ZNF853: variants seen among roughly 807,000 people sequenced by gnomAD.
ZNF853 encodes the protein zinc finger protein 853.
ZNF853 carries 57 observed loss-of-function variants against 94.7 expected under a neutral mutation model. That is an observed-to-expected ratio of 0.60 (90% CI 0.49 to 0.75). The LOEUF (loss-of-function observed/expected upper bound fraction) is 0.75. Ranked by LOEUF, ZNF853 falls within the 30% of genes least tolerant of loss-of-function variation. The pLI is 0.00. For synonymous variants in ZNF853, 448 were observed against 406.3 expected (o/e 1.10, Z -1.23); for missense variants, 785 against 868.9 (o/e 0.90, Z 1.21).
chr7:6,621,217 A>G lies in ZNF853; in HGVS notation c.226A>G (p.Ser76Gly), dbSNP rs1345675284. The G allele has an allele frequency of 1.9e-6, 3 of 1,540,060 alleles. No homozygotes were observed. Among genetic ancestry groups the G allele is most frequent in the Non-Finnish European group, 2.6e-6 (3 of 1,140,874 alleles). ...AGCAGTCTCGGCCCCAGTGGGGGCC[A>G]GTGAAATCGCTGAGGAAACCCGGCC... ...RPAVSAPVGA[S>G]EIAEETRPGQ... Residue 76 changes from serine to glycine, a missense_variant, in exon 3 of 3, where the codon AGT becomes GGT. Transcript: ENST00000457543.
Position 6,621,772 on chromosome 7 carries a change from C to G in ZNF853, c.781C>G (p.Gln261Glu), listed in dbSNP as rs1226716502. 1.9e-6 allele frequency: 3 copies of G among 1,550,562 alleles called. No homozygotes were observed. Among genetic ancestry groups the G allele is most frequent in the African/African-American group, 2.7e-5 (2 of 73,128 alleles). Residue 261 changes from glutamine to glutamate, a missense_variant, in exon 3 of 3, where the codon CAG (glutamine) becomes GAG (glutamate). Gln to Glu is a conservative substitution (Grantham distance 29). Transcript: ENST00000457543. Reference sequence around the variant, plus strand: ...GCAACTGTTGCAGCAGCAGCAGGCACAGTTACAACAGCAGCTGCTGGAACA... The same window carrying G: ...GCAACTGTTGCAGCAGCAGCAGGCAGAGTTACAACAGCAGCTGCTGGAACA... ...QQQLLQQQQA[Q>E]LQQQLLEQQQ...
chr7:6,621,318 G>C lies in ZNF853; in HGVS notation c.327G>C (p.Leu109=). The change falls in exon 3 of 3, where the codon CTG becomes CTC. Residue 109 remains leucine, a synonymous_variant. Transcript: ENST00000457543. ...AGCAACAGCCGCAACACGAGCAGCTGCAACAGCCGCAGCCACACCTAGAAC... is the reference window on the plus strand; with the variant it reads ...AGCAACAGCCGCAACACGAGCAGCTCCAACAGCCGCAGCCACACCTAGAAC... The part of the protein sequence containing the change: ...EPQQQPQHEQ[L]QQPQPHLELQ... 6.4e-7 allele frequency: 1 copy of C among 1,551,486 alleles called. No homozygotes were observed. The highest frequency in any genetic ancestry group is 1.2e-5 in the South Asian group (1 of 84,062).
Position 6,621,879 on chromosome 7 carries a change from A to G in ZNF853, c.888A>G (p.Gln296=), listed in dbSNP as rs527452501. The change falls in exon 3 of 3, where the codon CAA becomes CAG. Residue 296 remains glutamine (Q), a synonymous_variant. Coordinates refer to ENST00000457543, the MANE Select transcript of ZNF853 (RefSeq NM_017560.3). ...LQQQQQQQLL[Q]QQQEQLQQQQ... ...AGCAGCAGCAACAGCAGCTGTTGCA[A>G]CAGCAGCAGGAACAATTGCAGCAGC... 83 of 1,550,656 alleles carry G rather than the reference A, an allele frequency of 5.4e-5. No homozygotes were observed. The African/African-American group carries it at 1.0e-3, about 19-fold the overall frequency.
At position 6,621,215 on chromosome 7, in the gene ZNF853, C is replaced by T. The variant is rs1279476069; in HGVS notation, c.224C>T (p.Ala75Val). ...QRPAVSAPVG[A>V]SEIAEETRPG... ...CCAGCAGTCTCGGCCCCAGTGGGGGCCAGTGAAATCGCTGAGGAAACCCGG... is the reference window on the plus strand; with the variant it reads ...CCAGCAGTCTCGGCCCCAGTGGGGGTCAGTGAAATCGCTGAGGAAACCCGG... The change falls in exon 3 of 3, where the codon GCC (alanine) becomes GTC (valine). Residue 75 changes from alanine to valine, a missense_variant. Ala to Val is a moderately conservative substitution (Grantham distance 64). Transcript: ENST00000457543. 1.9e-6 allele frequency: 3 copies of T among 1,538,640 alleles called. No individual in the cohort carries two copies. The highest frequency in any genetic ancestry group is 8.8e-7 in the Non-Finnish European group (1 of 1,140,166).
At chr7:6,619,814 G>A in intron 2 of ZNF853, among the ~76,000 whole-genome samples, 28 of 152,168 alleles carry the variant, frequency 1.8e-4, no homozygotes, top group African/African-American at 5.8e-4. Flanking sequence ...TACACGGTGC[G>A]GAAAGAGAAG....
At chr7:6,617,147 AG>A in intron 1 of ZNF853, 42 bp from the exon 2 acceptor site, 1 of 1,487,258 alleles carries the variant, frequency 6.7e-7, no homozygotes. Context: ...CGGGGGTCAA[AG>A]CACTCCAGCC....
In ZNF853 at chr7:6,623,239, G is replaced by C; in HGVS notation, c.*268G>C. 2.5e-6 allele frequency: 1 copy of C among 402,062 alleles called. No individual in the cohort carries two copies. The highest frequency in any genetic ancestry group is 4.4e-6 in the Non-Finnish European group (1 of 229,342). The allele number at this position is 402,062 out of a possible 1,614,324, so 24.9% of individuals were successfully genotyped here. A position where few individuals can be genotyped will look rare whatever the true frequency, so the allele number is the denominator to read the frequency against. On this transcript the variant is annotated 3_prime_UTR_variant, in exon 3 of 3. Transcript: ENST00000457543. ...GGACACGTTTGTCTGCCCTTTGAGG[G>C]GTCTGCCAAAGGTTTTCCCTCCGGG...
intron 2 of ZNF853, 118 bp downstream of exon 2, chr7:6,617,425 A>G: frequency 1.1e-6 from 1 of 940,088 alleles, no homozygotes; most frequent in Non-Finnish European, 1.5e-6. Context: ...AGCTGCATTG[A>G]GTAACACCAG....
At position 6,616,025 on chromosome 7, in the gene ZNF853, T is replaced by A; in HGVS notation, c.-150T>A. The A allele has an allele frequency of 6.2e-6, 4 of 646,978 alleles. No homozygotes were observed. Among genetic ancestry groups the A allele is most frequent in the Non-Finnish European group, 7.9e-6 (3 of 380,822 alleles). The allele number at this position is 646,978 out of a possible 1,614,324, so 40.1% of individuals were successfully genotyped here. A position where few individuals can be genotyped will look rare whatever the true frequency, so the allele number is the denominator to read the frequency against. ...CCCAGAGGGCGTGGACCCTCCGGAG[T>A]GCCCAGAAAGCCCCCGGGGTGGCCC... is the stretch of plus-strand genomic sequence containing the variant. On this transcript the variant is annotated 5_prime_UTR_variant, in exon 1 of 3. Transcript: ENST00000457543.
chr7:6,621,721 C>T lies in ZNF853; in HGVS notation c.730C>T (p.Leu244=). The T allele has an allele frequency of 6.4e-7, 1 of 1,551,010 alleles. No individual in the cohort carries two copies. The highest frequency in any genetic ancestry group is 8.7e-7 in the Non-Finnish European group (1 of 1,146,918). The change falls in exon 3 of 3, where the codon CTG becomes TTG. Residue 244 remains leucine (L), a synonymous_variant. Transcript: ENST00000457543. ...ACAGCAGCAGCAGCAGCTACTATTGCTGCAGCAGCAGGGACAGTTACAGCA... is the reference window on the plus strand; with the variant it reads ...ACAGCAGCAGCAGCAGCTACTATTGTTGCAGCAGCAGGGACAGTTACAGCA... ...QLQQQQQLLL[L]QQQGQLQQQL... is the part of the protein sequence containing the mutation.
chr7:6,620,150 C>T, intron 2 of ZNF853, among the ~76,000 whole-genome samples: 1 of 152,166 alleles, frequency 6.6e-6, no homozygotes, highest in East Asian at 1.9e-4. Context: ...GGTTGTATAC[C>T]TGCCGACTGG....
Position 6,621,493 on chromosome 7 carries a change from C to A in ZNF853, c.502C>A (p.Gln168Lys). ...QLQPQQVQEQ[Q>K]RLQQQQEQLQ... ...ACAGCCACAGCAAGTGCAAGAGCAA[C>A]AGCGGTTGCAGCAGCAGCAGGAGCA... The change falls in exon 3 of 3, where the codon CAG becomes AAG. Residue 168 changes from glutamine to lysine, a missense_variant. Coordinates refer to ENST00000457543, the MANE Select transcript of ZNF853 (RefSeq NM_017560.3). 2 of 1,551,806 alleles carry A rather than the reference C, an allele frequency of 1.3e-6. No homozygotes were observed. Among genetic ancestry groups the A allele is most frequent in the Non-Finnish European group, 1.7e-6 (2 of 1,147,014 alleles).
Position 6,622,415 on chromosome 7 carries a change from G to A in ZNF853, c.1424G>A (p.Arg475Gln), listed in dbSNP as rs1276495213. ...GSAALTPARQ[R>Q]RRRRARDRPT... ...GCGGCGTTGACCCCTGCACGGCAGC[G>A]GCGGCGGCGGCGCGCTCGGGACCGG... Residue 475 changes from arginine to glutamine, a missense_variant, in exon 3 of 3, where the codon CGG becomes CAG. Coordinates refer to ENST00000457543, the MANE Select transcript of ZNF853 (RefSeq NM_017560.3). 1.4e-6 allele frequency: 2 copies of A among 1,394,918 alleles called. No homozygotes were observed. The highest frequency in any genetic ancestry group is 1.8e-6 in the Non-Finnish European group (2 of 1,081,152). The allele number at this position is 1,394,918 out of a possible 1,614,324, so 86.4% of individuals were successfully genotyped here.
chr7:6,617,700 A>G lies in ZNF853; in HGVS notation c.130+393A>G. On this transcript the variant is annotated intron_variant, in intron 2 of 2. Transcript: ENST00000457543. ...TCTCTTCCTCTGCCCCTCCTGCCCCAGATGTTGGCTCCCTGGCTTCTTCTC... is the reference window on the plus strand; with the variant it reads ...TCTCTTCCTCTGCCCCTCCTGCCCCGGATGTTGGCTCCCTGGCTTCTTCTC... 6.3e-6 allele frequency: 6 copies of G among 959,496 alleles called. No individual in the cohort carries two copies. In the African/African-American group the frequency reaches 1.1e-4, roughly 17 times the overall value. The allele number at this position is 959,496 out of a possible 1,614,324, so 59.4% of individuals were successfully genotyped here.
rs1213900849 is a variant in ZNF853, at chr7:6,621,907, C to T, written c.916C>T (p.Gln306Ter). ...QQQQEQLQQQ[Q>*]LQPPPLEPEE... The stretch of plus-strand genomic sequence containing the variant: ...GCAGCAGGAACAATTGCAGCAGCAA[C>T]AACTGCAGCCTCCTCCCCTGGAGCC... The change falls in exon 3 of 3, where the codon CAA (glutamine) becomes TAA (stop). Residue 306 changes from glutamine to a stop codon, truncating the protein, a stop_gained. Coordinates refer to ENST00000457543, the MANE Select transcript of ZNF853 (RefSeq NM_017560.3). LOFTEE classifies it high-confidence loss of function. 8 of 1,550,980 alleles carry T rather than the reference C, an allele frequency of 5.2e-6. No homozygotes were observed. The highest frequency in any genetic ancestry group is 7.0e-6 in the Non-Finnish European group (8 of 1,146,854).
Position 6,622,827 on chromosome 7 carries a change from C to A in ZNF853, c.1836C>A (p.Ile612=). ...CGERFRHKVQ[I]RRHERQLHGA... ...AGCGCTTCCGACACAAGGTGCAGAT[C>A]CGCCGCCACGAGCGCCAGCTGCACG... The change falls in exon 3 of 3, where the codon ATC becomes ATA. Residue 612 remains isoleucine (I), a synonymous_variant. Coordinates refer to ENST00000457543, the MANE Select transcript of ZNF853 (RefSeq NM_017560.3). 2.0e-6 allele frequency: 3 copies of A among 1,522,692 alleles called. No homozygotes were observed. The highest frequency in any genetic ancestry group is 2.5e-5 in the East Asian group (1 of 40,246). The allele number at this position is 1,522,692 out of a possible 1,614,324, so 94.3% of individuals were successfully genotyped here.
At chr7:6,619,513 A>G in intron 2 of ZNF853, among the ~76,000 whole-genome samples, 1 of 152,092 alleles carries the variant, frequency 6.6e-6, no homozygotes, top group African/African-American at 2.4e-5. Context: ...CTCGTGATCC[A>G]TCTGCCTCGG....
chr7:6,616,909 C>G, intron 1 of ZNF853, among the ~76,000 whole-genome samples: 2 of 152,078 alleles, frequency 1.3e-5, no homozygotes, highest in Admixed American at 1.3e-4. Flanking sequence ...GTGGGGCTAC[C>G]CCACTCTCCA....
At chr7:6,621,087 C>G in intron 2 of ZNF853, 35 bp from the exon 3 acceptor site, 1 of 1,461,100 alleles carries the variant, frequency 6.8e-7, no homozygotes, top group Non-Finnish European at 9.0e-7. Flanking sequence ...TCCTGTAGAT[C>G]TTTCTCTCTT....
Sources: gnomAD v4.1 joint callset for allele counts (sites outside exome capture counted in the v4.1 genomes callset) on GRCh38, gnomAD v4.1.1 for gene constraint, MANE v1.5 for transcripts, NCBI Gene and HGNC (gene_info 2026-07-23, HGNC 2026-07-21) for gene names.